The following ARHGEF38 variants were observed in gnomAD, a reference collection of about 807,000 sequenced individuals.
ARHGEF38 encodes Rho guanine nucleotide exchange factor 38, also known as Rho guanine nucleotide exchange factor (GEF) 38.
Under a neutral mutation model 79.9 loss-of-function variants are expected in ARHGEF38, and 79 were observed. The ratio of observed to expected loss-of-function variants is 0.99; its 90% CI spans 0.82 to 1.19. ARHGEF38 has a LOEUF of 1.19. Among genes scored for constraint, ARHGEF38 ranks in the 50% most tolerant of loss-of-function variants. ARHGEF38 has a pLI of 0.00. For synonymous variants in ARHGEF38, 366 were observed against 328.3 expected (o/e 1.11, Z -1.24); for missense variants, 962 against 907.2 (o/e 1.06, Z -0.78).
intron 1 of ARHGEF38, among the ~76,000 whole-genome samples, chr4:105,579,168 T>C (rs1395690030): frequency 4.6e-5 from 7 of 152,198 alleles, no homozygotes; most frequent in Admixed American, 2.6e-4. Context: ...TTCCTAGATA[T>C]GGAATTATGT....
At chr4:105,638,660 TA>T (rs1197946287) in intron 5 of ARHGEF38, among the ~76,000 whole-genome samples, 3 of 152,150 alleles carry the variant, frequency 2.0e-5, no homozygotes, top group African/African-American at 7.2e-5. Context: ...CACTTCACCA[TA>T]CTTTTTTCTT....
At chr4:105,608,334 T>A (rs1009213651) in intron 2 of ARHGEF38, among the ~76,000 whole-genome samples, 2 of 152,118 alleles carry the variant, frequency 1.3e-5, no homozygotes, top group African/African-American at 4.8e-5. Context: ...GAGCATTAAA[T>A]ACCTATTGAC....
chr4:105,571,305 CT>C (rs1337782676), intron 1 of ARHGEF38, among the ~76,000 whole-genome samples: 1 of 136,918 alleles, frequency 7.3e-6, no homozygotes, highest in Non-Finnish European at 1.5e-5. Flanking sequence ...ATACCTCATC[CT>C]TTTTTTTTCT....
chr4:105,629,583 TTA>T (rs1560732676), intron 3 of ARHGEF38, among the ~76,000 whole-genome samples: 2 of 120,892 alleles, frequency 1.7e-5, no homozygotes, highest in African/African-American at 9.0e-5. Context: ...CAAATCATTA[TTA>T]GTCTCAAATC....
intron 2 of ARHGEF38, among the ~76,000 whole-genome samples, chr4:105,611,682 A>T (rs1179458216): frequency 1.3e-5 from 2 of 152,076 alleles, no homozygotes; most frequent in Non-Finnish European, 2.9e-5. Flanking sequence ...ATTACAAGCA[A>T]AAAACCACAT....
intron 10 of ARHGEF38, among the ~76,000 whole-genome samples, chr4:105,664,705 T>A (rs1426642468): frequency 1.3e-5 from 2 of 152,106 alleles, no homozygotes; most frequent in African/African-American, 2.4e-5. Flanking sequence ...CAGGAAAACC[T>A]TTAGAAATAG....
intron 2 of ARHGEF38, among the ~76,000 whole-genome samples, chr4:105,593,050 A>G (rs1727413672): frequency 6.6e-6 from 1 of 152,126 alleles, no homozygotes; most frequent in African/African-American, 2.4e-5. Context: ...AAAAACCAAA[A>G]TCAAACACAA....
intron 6 of ARHGEF38, among the ~76,000 whole-genome samples, chr4:105,645,973 G>T (rs1343580251): frequency 6.6e-6 from 1 of 152,126 alleles, no homozygotes; most frequent in East Asian, 1.9e-4. Context: ...AAAACAGAAG[G>T]GATAATTACA....
chr4:105,640,926 G>A (rs1729592922), intron 5 of ARHGEF38, among the ~76,000 whole-genome samples: 1 of 151,840 alleles, frequency 6.6e-6, no homozygotes, highest in African/African-American at 2.4e-5. Flanking sequence ...TTTGTCCTTA[G>A]CACTCTGAAG....
At chr4:105,622,754 A>G (rs897315253) in intron 3 of ARHGEF38, among the ~76,000 whole-genome samples, 1 of 152,176 alleles carries the variant, frequency 6.6e-6, no homozygotes, top group African/African-American at 2.4e-5. Context: ...TCACTTCCTA[A>G]AGACAATGAA....
In ARHGEF38 at chr4:105,589,263, A is replaced by AG. The variant is rs1192173565; in HGVS notation, c.215dup (p.Glu73Ter). On this transcript the variant is annotated frameshift_variant, in exon 2 of 14. Coordinates refer to ENST00000420470, the MANE Select transcript of ARHGEF38 (RefSeq NM_001242729.2). LOFTEE classifies it high-confidence loss of function. ...CATTTAACAGAAAAGATGACTCCAC[A>AG]GGGTGAGTGTTCTGTAGCTGAGACC... 6.2e-7 allele frequency: 1 copy of AG among 1,612,122 alleles called. No homozygotes were observed. Among genetic ancestry groups the AG allele is most frequent in the African/African-American group, 1.3e-5 (1 of 74,762 alleles).
At chr4:105,668,603 G>A (rs1730844203) in intron 13 of ARHGEF38, among the ~76,000 whole-genome samples, 1 of 151,598 alleles carries the variant, frequency 6.6e-6, no homozygotes, top group South Asian at 2.1e-4. Context: ...TTTTTCTTTA[G>A]TGTTCTATTA....
chr4:105,585,888 C>T (rs557846743), intron 1 of ARHGEF38, among the ~76,000 whole-genome samples: 2 of 152,060 alleles, frequency 1.3e-5, no homozygotes, highest in South Asian at 4.2e-4. Flanking sequence ...TGTGCCACCA[C>T]ACCCGGCTAA....
chr4:105,674,169 T>C (rs1731046179), intron 13 of ARHGEF38, among the ~76,000 whole-genome samples: 1 of 152,080 alleles, frequency 6.6e-6, no homozygotes, highest in South Asian at 2.1e-4. Flanking sequence ...AAAGATCTAG[T>C]GGTTATAAGC....
rs923345823 is a variant in ARHGEF38, at chr4:105,572,136, CT to C, written c.197-17104del. Among the ~76,000 whole-genome samples the C allele has an allele frequency of 5.9e-5, 9 of 152,002 alleles. No homozygotes were observed. In the South Asian group the frequency reaches 1.0e-3, roughly 18 times the overall value. ...TGTGATTTTTAAAACTCACAGAAGA[CT>C]TTTTTTTAAGAAGAGAAGATCTGTT... is the stretch of plus-strand genomic sequence containing the variant. On this transcript the variant is annotated intron_variant, in intron 1 of 13. Coordinates refer to ENST00000420470, the MANE Select transcript of ARHGEF38 (RefSeq NM_001242729.2).
intron 3 of ARHGEF38, among the ~76,000 whole-genome samples, chr4:105,623,104 T>A (rs564658998): frequency 6.6e-6 from 1 of 152,328 alleles, no homozygotes; most frequent in African/African-American, 2.4e-5. Context: ...ACACTGGGCA[T>A]AACCCCTCCA....
chr4:105,628,366 T>C (rs1307442840), intron 3 of ARHGEF38, among the ~76,000 whole-genome samples: 1 of 152,218 alleles, frequency 6.6e-6, no homozygotes, highest in African/African-American at 2.4e-5. Context: ...GATCTAAGCC[T>C]GTCACCAGTC....
chr4:105,646,021 C>T (rs1377235950), intron 6 of ARHGEF38, among the ~76,000 whole-genome samples: 1 of 152,138 alleles, frequency 6.6e-6, no homozygotes, highest in South Asian at 2.1e-4. Context: ...ATGCATTGAG[C>T]TAGGCTGTGG....
At chr4:105,591,786 C>T (rs182161689) in intron 2 of ARHGEF38, among the ~76,000 whole-genome samples, 47 of 152,260 alleles carry the variant, frequency 3.1e-4, no homozygotes, top group Middle Eastern at 3.4e-3. Context: ...ACAGTTCCCA[C>T]GCCAGAATTA....
Sources: allele counts gnomAD v4.1 joint callset (sites outside exome capture counted in the v4.1 genomes callset), GRCh38; gene constraint gnomAD v4.1.1; transcripts MANE v1.5; gene names NCBI Gene and HGNC (gene_info 2026-07-23, HGNC 2026-07-21).